Variants in PIDD1 observed in about 807,000 individuals in gnomAD.
PIDD1 encodes p53-induced death domain-containing protein 1.
A neutral mutation model predicts 80.0 loss-of-function variants in PIDD1; 72 were observed. The ratio of observed to expected loss-of-function variants is 0.90; its 90% CI spans 0.74 to 1.09. The LOEUF (loss-of-function observed/expected upper bound fraction) is 1.09. Ranked by LOEUF, PIDD1 falls within the 50% of genes least tolerant of loss-of-function variation. PIDD1 has a pLI of 0.00. For missense variants in PIDD1, 1,329 were observed against 1,228.3 expected, an observed-to-expected ratio of 1.08 and a Z score of -1.23; for synonymous variants, 655 against 543.5, an observed-to-expected ratio of 1.21 and a Z score of -2.85.
rs139616380 is a variant in PIDD1, at chr11:799,797, G to A, written c.2474+18C>T. The A allele has an allele frequency of 5.9e-5, 91 of 1,531,260 alleles. No individual in the cohort carries two copies. The East Asian group carries it at 8.0e-4, about 13-fold the overall frequency. The allele number at this position is 1,531,260 out of a possible 1,614,324, so 94.9% of individuals were successfully genotyped here. A position where few individuals can be genotyped will look rare whatever the true frequency, so the allele number is the denominator to read the frequency against. On this transcript the variant is annotated intron_variant, in intron 15 of 15. Transcript: ENST00000347755. Reference sequence around the variant, plus strand: ...CTCAGCCCTGGGGCTGGCAGCCAGCGGGCAGTGGGAGCCTCACCGGAACTC... The same window carrying A: ...CTCAGCCCTGGGGCTGGCAGCCAGCAGGCAGTGGGAGCCTCACCGGAACTC...
rs1864998038 is a variant in PIDD1 at position 799,235 on chromosome 11, G to A, written c.*72C>T. 7.0e-7 allele frequency: 1 copy of A among 1,425,250 alleles called. No individual in the cohort carries two copies. The highest frequency in any genetic ancestry group is 9.4e-7 in the Non-Finnish European group (1 of 1,066,280). 88.3% of individuals were successfully genotyped at this position (1,425,250 alleles called of 1,614,324 possible). ...TCACAGGGACCCGTCCCCACACACT[G>A]GAGAGACTTGAAGGTGGGGGCTCTG... On this transcript the variant is annotated 3_prime_UTR_variant, in exon 16 of 16. Transcript: ENST00000347755.
rs970006061 is a variant in PIDD1, at chr11:805,225, G to T, written c.-122C>A. Reference sequence around the variant, plus strand: ...AAGGGTGGCTGCTCAGCGGGCGCTCGGCGCCTGGGATCCCGCCGGCGCGTT... The same window carrying T: ...AAGGGTGGCTGCTCAGCGGGCGCTCTGCGCCTGGGATCCCGCCGGCGCGTT... On this transcript the variant is annotated 5_prime_UTR_variant, in exon 1 of 16. Transcript: ENST00000347755. 1.0e-6 allele frequency: 1 copy of T among 983,374 alleles called. No homozygotes were observed. The highest frequency in any genetic ancestry group is 1.2e-6 in the Non-Finnish European group (1 of 828,084). The allele number at this position is 983,374 out of a possible 1,614,324, so 60.9% of individuals were successfully genotyped here. A position where few individuals can be genotyped will look rare whatever the true frequency, so the allele number is the denominator to read the frequency against.
At chr11:802,151 C>T (rs1565061643) in intron 6 of PIDD1, 44 bp downstream of exon 6, 2 of 1,564,116 alleles carry the variant, frequency 1.3e-6, no homozygotes, top group Non-Finnish European at 1.7e-6. Flanking sequence ...CTGCCCCTGC[C>T]ATGCCCTGGC....
chr11:803,524 C>T lies in PIDD1; in HGVS notation c.359G>A (p.Gly120Asp). 6.2e-7 allele frequency: 1 copy of T among 1,613,308 alleles called. No individual in the cohort carries two copies. ...LRGALTNLPA[G>D]LSGLAHLAHL... Reference sequence around the variant, plus strand: ...GGCCAGATGGGCCAGGCCACTCAGACCAGCGGGCAGGTTGGTCAGGGCACC... The same window carrying T: ...GGCCAGATGGGCCAGGCCACTCAGATCAGCGGGCAGGTTGGTCAGGGCACC... The change falls in exon 3 of 16, where the codon GGT becomes GAT. Residue 120 changes from glycine to aspartate, a missense_variant. Coordinates refer to ENST00000347755, the MANE Select transcript of PIDD1 (RefSeq NM_145886.4).
In PIDD1 at chr11:801,466, C is replaced by T. The variant is rs532281242; in HGVS notation, c.1461G>A (p.Glu487=). Residue 487 remains glutamate, a synonymous_variant, in exon 8 of 16, where the codon GAG becomes GAA. Transcript: ENST00000347755. The part of the protein sequence containing the change: ...KVIFPPGATE[E]PRRVSMQVVR... ...ATACCTGCATGGAGACTCGACGAGGCTCCTCAGTGGCCCCAGGGGGGAAGA... is the reference window on the plus strand; with the variant it reads ...ATACCTGCATGGAGACTCGACGAGGTTCCTCAGTGGCCCCAGGGGGGAAGA... 21 of 1,544,810 alleles carry T rather than the reference C, an allele frequency of 1.4e-5. No homozygotes were observed. In the East Asian group the frequency reaches 4.9e-4, roughly 36 times the overall value.
upstream of PIDD1, chr11:805,543 G>A (rs1865727101): frequency 1.5e-5 from 14 of 904,056 alleles, no homozygotes; most frequent in Middle Eastern, 5.6e-4. Context: ...GGGCCGCTCC[G>A]AGGCAGACCC....
chr11:801,370 G>T lies in PIDD1; in HGVS notation c.1483-5C>A. On this transcript the variant is annotated splice_polypyrimidine_tract_variant and splice_region_variant and intron_variant, in intron 8 of 15. Transcript: ENST00000347755. ...TCGGCCAGCCATGCGCACCACCTGG[G>T]GCAGACAGGCCCCCTGAGCACCTGC... 3.1e-6 allele frequency: 5 copies of T among 1,607,366 alleles called. No individual in the cohort carries two copies. The highest frequency in any genetic ancestry group is 4.2e-6 in the Non-Finnish European group (5 of 1,176,958).
In PIDD1 at chr11:800,806, G is replaced by C; in HGVS notation, c.1873C>G (p.Arg625Gly). Residue 625 changes from arginine (R) to glycine (G), a missense_variant, in exon 11 of 16, where the codon CGG (arginine) becomes GGG (glycine). Coordinates refer to ENST00000347755, the MANE Select transcript of PIDD1 (RefSeq NM_145886.4). ...TGCAGCAGGACCTGCTCAGGGTCCCGGCGCCGCTGCAGAGCGATGAGGTTC... is the reference window on the plus strand; with the variant it reads ...TGCAGCAGGACCTGCTCAGGGTCCCCGCGCCGCTGCAGAGCGATGAGGTTC... ...RVNLIALQRRRDPEQVLLQCL... is the reference protein window; with the variant it reads ...RVNLIALQRRGDPEQVLLQCL... The C allele has an allele frequency of 1.9e-6, 3 of 1,557,290 alleles. No individual in the cohort carries two copies. The highest frequency in any genetic ancestry group is 1.7e-4 in the Middle Eastern group (1 of 5,986).
upstream of PIDD1, among the ~76,000 whole-genome samples, chr11:808,678 A>T (rs1181719074): frequency 6.6e-6 from 1 of 152,244 alleles, no homozygotes; most frequent in African/African-American, 2.4e-5. Flanking sequence ...GCTGGGCGAC[A>T]GAATGGGGCC....
In PIDD1 at chr11:802,895, C is replaced by T. The variant is rs746811540; in HGVS notation, c.710-4G>A. On this transcript the variant is annotated splice_polypyrimidine_tract_variant and splice_region_variant and intron_variant, in intron 3 of 15. Transcript: ENST00000347755. ...AGCCGCAAGGACCGAAGTCCCGCTG[C>T]GGGCAGTTGCTGGCTTAGGCTTGGC... The T allele has an allele frequency of 1.0e-5, 16 of 1,556,654 alleles. No individual in the cohort carries two copies. The highest frequency in any genetic ancestry group is 3.9e-5 in the Admixed American group (2 of 51,628).
chr11:802,456 G>A, intron 5 of PIDD1, 60 bp from the exon 6 acceptor site: 2 of 1,597,178 alleles, frequency 1.3e-6, no homozygotes, highest in Middle Eastern at 3.5e-4. Context: ...GTTGGAGCCT[G>A]GACCCAGGAA....
Position 802,053 on chromosome 11 carries a change from G to T in PIDD1, c.1214C>A (p.Ala405Asp), listed in dbSNP as rs994246580. Reference protein sequence around the residue: ...GLWLLFTPPQARRCREVVVRT... With the variant: ...GLWLLFTPPQDRRCREVVVRT... ...GACCACCACTTCACGGCAGCGCCGG[G>T]CCTGCGGTGGGGTGAAGAGCAGCCA... The change falls in exon 7 of 16, where the codon GCC (alanine) becomes GAC (aspartate). Residue 405 changes from alanine (A) to aspartate (D), a missense_variant. Physicochemically the swap from Ala to Asp is moderately radical, Grantham distance 126 (BLOSUM62 -2). Coordinates refer to ENST00000347755, the MANE Select transcript of PIDD1 (RefSeq NM_145886.4). 6.9e-6 allele frequency: 11 copies of T among 1,585,432 alleles called. No homozygotes were observed. Among genetic ancestry groups the T allele is most frequent in the Non-Finnish European group, 9.4e-6 (11 of 1,166,508 alleles).
chr11:799,327 G>A lies in PIDD1; in HGVS notation c.2713C>T (p.Pro905Ser). The A allele has an allele frequency of 6.2e-7, 1 of 1,605,422 alleles. No individual in the cohort carries two copies. The highest frequency in any genetic ancestry group is 1.7e-5 in the Admixed American group (1 of 59,838). Reference sequence around the variant, plus strand: ...GGGGCCTAGGCCTGGGCAGGCTCTGGGGGCTGTGGAGCCGAGGAGCCAGGC... The same window carrying A: ...GGGGCCTAGGCCTGGGCAGGCTCTGAGGGCTGTGGAGCCGAGGAGCCAGGC... ...ALPGSSAPQPPEPAQA is the reference protein window; with the variant it reads ...ALPGSSAPQPSEPAQA The change falls in exon 16 of 16, where the codon CCA becomes TCA. Residue 905 changes from proline to serine, a missense_variant. Pro to Ser is a moderately conservative substitution (Grantham distance 74, BLOSUM62 -1). Transcript: ENST00000347755.
In PIDD1 at chr11:800,819, A is replaced by G. The variant is rs1288180389; in HGVS notation, c.1860T>C (p.Ala620=). ...RLRLHRVNLI[A]LQRRRDPEQV... is the part of the protein sequence containing the mutation. The stretch of plus-strand genomic sequence containing the variant: ...GCTCAGGGTCCCGGCGCCGCTGCAG[A>G]GCGATGAGGTTCACACGGTGCAGCC... The change falls in exon 11 of 16, where the codon GCT becomes GCC. Residue 620 remains alanine, a synonymous_variant. Coordinates refer to ENST00000347755, the MANE Select transcript of PIDD1 (RefSeq NM_145886.4). 3 of 1,562,200 alleles carry G rather than the reference A, an allele frequency of 1.9e-6. No homozygotes were observed.
Position 804,320 on chromosome 11 carries a change from C to T in PIDD1, c.69G>A (p.Ser23=), listed in dbSNP as rs774493299. The T allele has an allele frequency of 3.7e-6, 6 of 1,612,294 alleles. No individual in the cohort carries two copies. In the African/African-American group the frequency reaches 5.3e-5, roughly 14 times the overall value. The part of the protein sequence containing the change: ...AAAAGDASED[S]DAGSRALPFL... The stretch of plus-strand genomic sequence containing the variant: ...AAGGCAGCGCCCTGGACCCTGCGTC[C>T]GAATCCTCTGAAGCATCTCCTGCGG... Residue 23 remains serine, a synonymous_variant, in exon 2 of 16, where the codon TCG becomes TCA. Coordinates refer to ENST00000347755, the MANE Select transcript of PIDD1 (RefSeq NM_145886.4).
In PIDD1 at chr11:805,193, G is replaced by A. The variant is rs913654216; in HGVS notation, c.-90C>T. ...CCGGCGCGTACCTGCGCTGCAGGCG[G>A]CGCGCAAAGGGTGGCTGCTCAGCGG... On this transcript the variant is annotated 5_prime_UTR_variant, in exon 1 of 16. Transcript: ENST00000347755. The A allele has an allele frequency of 2.7e-5, 27 of 984,296 alleles. 1 individual carries two copies. The highest frequency in any genetic ancestry group is 3.1e-5 in the Non-Finnish European group (26 of 829,090). The allele number at this position is 984,296 out of a possible 1,614,324, so 61.0% of individuals were successfully genotyped here.
intron 1 of PIDD1, 111 bp from the exon 2 acceptor site, chr11:804,574 G>A: frequency 8.7e-7 from 1 of 1,155,228 alleles, no homozygotes; most frequent in African/African-American, 1.6e-5. Flanking sequence ...TCTGGGCCTG[G>A]GCTGCAGAGT....
At position 801,431 on chromosome 11, in the gene PIDD1, T is replaced by C; in HGVS notation, c.1482+14A>G. ...AGGCGCGGCCTGCCACCCTCAGTGC[T>C]GTCCTGGCCATACCTGCATGGAGAC... On this transcript the variant is annotated intron_variant, in intron 8 of 15. Coordinates refer to ENST00000347755, the MANE Select transcript of PIDD1 (RefSeq NM_145886.4). 6.4e-7 allele frequency: 1 copy of C among 1,553,434 alleles called. No individual in the cohort carries two copies. The highest frequency in any genetic ancestry group is 8.7e-7 in the Non-Finnish European group (1 of 1,148,174).
Position 802,995 on chromosome 11 carries a change from G to A in PIDD1, c.710-104C>T, listed in dbSNP as rs117569911. On this transcript the variant is annotated intron_variant, in intron 3 of 15. Coordinates refer to ENST00000347755, the MANE Select transcript of PIDD1 (RefSeq NM_145886.4). ...CAGCTGTTTCAGACTCTCCTCCACAGCTGGGCTCAGAGAACTCTGACAAAG... is the reference window on the plus strand; with the variant it reads ...CAGCTGTTTCAGACTCTCCTCCACAACTGGGCTCAGAGAACTCTGACAAAG... 1,430 of 1,109,992 alleles carry A rather than the reference G, an allele frequency of 1.3e-3. 24 individuals carry two copies. The East Asian group carries it at 0.031, about 24-fold the overall frequency. The allele number at this position is 1,109,992 out of a possible 1,614,324, so 68.8% of individuals were successfully genotyped here. A position where few individuals can be genotyped will look rare whatever the true frequency, so the allele number is the denominator to read the frequency against.
Sources: allele counts gnomAD v4.1 joint callset (sites outside exome capture counted in the v4.1 genomes callset), GRCh38; gene constraint gnomAD v4.1.1; transcripts MANE v1.5; gene names NCBI Gene and HGNC (gene_info 2026-07-23, HGNC 2026-07-21).